Variants in KCNH8 observed in about 807,000 individuals in gnomAD.
KCNH8 encodes the protein voltage-gated delayed rectifier potassium channel KCNH8.
KCNH8 carries 70 observed loss-of-function variants against 103.6 expected under a neutral mutation model. The observed-to-expected ratio is 0.68, with a 90% CI of 0.56 to 0.82. The LOEUF (loss-of-function observed/expected upper bound fraction) is 0.82, where lower values mean the gene tolerates loss of function less well. KCNH8 is among the 40% of genes least tolerant of loss of function. The probability of loss-of-function intolerance (pLI) is 0.00; values close to 1 mark genes in which losing one functional copy is unlikely to be tolerated. For missense variants in KCNH8, 1,217 were observed against 1,329.9 expected (o/e 0.92, Z 1.32); for synonymous variants, 498 against 489.4 (o/e 1.02, Z -0.23).
At chr3:19,479,472 C>T (rs2068043998) in intron 11 of KCNH8, among the ~76,000 whole-genome samples, 1 of 152,054 alleles carries the variant, frequency 6.6e-6, no homozygotes, top group Non-Finnish European at 1.5e-5. Flanking sequence ...GGTTTCAGGC[C>T]ATCCTCAAAA....
At chr3:19,304,295 G>C (rs2065101348) in intron 3 of KCNH8, among the ~76,000 whole-genome samples, 1 of 152,100 alleles carries the variant, frequency 6.6e-6, no homozygotes, top group South Asian at 2.1e-4. Context: ...TTTCTATTCA[G>C]ATTTATCTAG....
chr3:19,170,330 A>G (rs2063328581), intron 1 of KCNH8, among the ~76,000 whole-genome samples: 1 of 152,114 alleles, frequency 6.6e-6, no homozygotes, highest in Non-Finnish European at 1.5e-5. Context: ...ATCCACACAC[A>G]TGCACACAGC....
chr3:19,419,511 T>C (rs1316128519), intron 7 of KCNH8, among the ~76,000 whole-genome samples: 1 of 152,088 alleles, frequency 6.6e-6, no homozygotes, highest in Non-Finnish European at 1.5e-5. Flanking sequence ...ATTAAAATGT[T>C]TTATGTGGCC....
At chr3:19,306,109 G>C (rs1337733441) in intron 3 of KCNH8, among the ~76,000 whole-genome samples, 1 of 152,004 alleles carries the variant, frequency 6.6e-6, no homozygotes, top group Admixed American at 6.6e-5. Flanking sequence ...TATTGGACAA[G>C]TTATGCCGCA....
At chr3:19,191,625 T>G (rs554368803) in intron 1 of KCNH8, among the ~76,000 whole-genome samples, 6 of 151,896 alleles carry the variant, frequency 4.0e-5, no homozygotes, top group South Asian at 4.1e-4. Context: ...GTTAGATGCA[T>G]GTTAGCCTTT....
At chr3:19,195,988 T>G (rs923524570) in intron 1 of KCNH8, among the ~76,000 whole-genome samples, 1 of 152,054 alleles carries the variant, frequency 6.6e-6, no homozygotes, top group African/African-American at 2.4e-5. Flanking sequence ...ATCTACTTCC[T>G]GAGTATGTTT....
intron 15 of KCNH8, among the ~76,000 whole-genome samples, chr3:19,525,759 A>C (rs2069053220): frequency 6.6e-6 from 1 of 151,976 alleles, no homozygotes; most frequent in East Asian, 1.9e-4. Flanking sequence ...AACCCTGGTT[A>C]GTAGTCCTGT....
intron 5 of KCNH8, among the ~76,000 whole-genome samples, chr3:19,377,049 C>T (rs2066218541): frequency 6.6e-6 from 1 of 152,036 alleles, no homozygotes; most frequent in African/African-American, 2.4e-5. Flanking sequence ...GTCAATAGAA[C>T]AAATGTCTAG....
rs1236919543 is a variant in KCNH8 at position 19,502,153 on chromosome 3, G to A, written c.2041-8210G>A. On this transcript the variant is annotated intron_variant, in intron 11 of 15. Coordinates refer to ENST00000328405, the MANE Select transcript of KCNH8 (RefSeq NM_144633.3). ...ACAGACAAACAGAGAGCCAAATCAT[G>A]AGTGAACTCCCATTCACAATTGCTT... Among the ~76,000 whole-genome samples the A allele has an allele frequency of 6.7e-5, 10 of 148,938 alleles. No homozygotes were observed. The East Asian group carries it at 1.8e-3, about 26-fold the overall frequency.
rs372956608 is a variant in KCNH8 at position 19,534,037 on chromosome 3, C to A, written c.3262C>A (p.Leu1088Ile). ...AGCTTCTACAAAACCTTTGGAGAAC[C>A]TTCCACTGGAAGTTGTCACAAGCAC... ...ASASTKPLEN[L>I]PLEVVTSTAE... The change falls in exon 16 of 16, where the codon CTT becomes ATT. Residue 1088 changes from leucine (L) to isoleucine (I), a missense_variant. This residue lies in a region of KCNH8 where 558 missense variants were observed against 495.8 expected (regional missense o/e 1.13). Coordinates refer to ENST00000328405, the MANE Select transcript of KCNH8 (RefSeq NM_144633.3). 1 of 1,614,128 alleles carries A rather than the reference C, an allele frequency of 6.2e-7. No individual in the cohort carries two copies. Among genetic ancestry groups the A allele is most frequent in the South Asian group, 1.1e-5 (1 of 91,082 alleles).
intron 1 of KCNH8, among the ~76,000 whole-genome samples, chr3:19,232,624 A>G (rs1031685298): frequency 1.3e-5 from 2 of 152,228 alleles, no homozygotes; most frequent in African/African-American, 4.8e-5. Context: ...CTGGGGTGCA[A>G]GGTTAGTCAC....
intron 11 of KCNH8, among the ~76,000 whole-genome samples, chr3:19,489,470 G>T (rs967640403): frequency 6.6e-6 from 1 of 152,100 alleles, no homozygotes; most frequent in African/African-American, 2.4e-5. Context: ...TGATCTGGGT[G>T]CCCTGGCTTA....
intron 3 of KCNH8, among the ~76,000 whole-genome samples, chr3:19,326,674 G>A (rs2065429147): frequency 6.6e-6 from 1 of 152,044 alleles, no homozygotes; most frequent in Non-Finnish European, 1.5e-5. Context: ...TAGAGACTAA[G>A]GTGGCACTAC....
intron 6 of KCNH8, among the ~76,000 whole-genome samples, chr3:19,392,843 A>C (rs761603352): frequency 6.6e-6 from 1 of 152,054 alleles, no homozygotes; most frequent in African/African-American, 2.4e-5. Flanking sequence ...GTATGAATCC[A>C]AGTTCTATCA....
rs1575129832 is a variant in KCNH8 at position 19,488,868 on chromosome 3, G to C, written c.2041-21495G>C. Among the ~76,000 whole-genome samples the C allele has an allele frequency of 2.0e-5, 3 of 152,210 alleles. No individual in the cohort carries two copies. In the East Asian group the frequency reaches 5.8e-4, roughly 29 times the overall value. ...GTATTAAAGAGGTACATGAGCAGCT[G>C]GTGGCAATCAGCCTAAGTAGGATTA... On this transcript the variant is annotated intron_variant, in intron 11 of 15. Transcript: ENST00000328405.
intron 1 of KCNH8, among the ~76,000 whole-genome samples, chr3:19,154,094 G>A (rs1337834590): frequency 6.6e-6 from 1 of 152,298 alleles, no homozygotes; most frequent in South Asian, 2.1e-4. Context: ...AATTCAGAAG[G>A]TGCAGACAAA....
intron 3 of KCNH8, among the ~76,000 whole-genome samples, chr3:19,326,689 C>T (rs1348590125): frequency 1.3e-5 from 2 of 152,138 alleles, no homozygotes; most frequent in African/African-American, 2.4e-5. Flanking sequence ...CACTACCCTC[C>T]TGCTATGCCT....
At chr3:19,235,361 A>C (rs961805078) in intron 1 of KCNH8, among the ~76,000 whole-genome samples, 1 of 152,156 alleles carries the variant, frequency 6.6e-6, no homozygotes, top group Admixed American at 6.5e-5. Flanking sequence ...ATACACAAAA[A>C]TATGATGAAA....
chr3:19,475,611 C>T (rs1435621819), intron 11 of KCNH8, among the ~76,000 whole-genome samples: 1 of 152,138 alleles, frequency 6.6e-6, no homozygotes, highest in African/African-American at 2.4e-5. Flanking sequence ...TATAAACTCA[C>T]TTTAAAAATT....
Sources: allele counts gnomAD v4.1 joint callset (sites outside exome capture counted in the v4.1 genomes callset), GRCh38; gene constraint gnomAD v4.1.1; regional missense constraint gnomAD v4.1.1; transcripts MANE v1.5; gene names NCBI Gene and HGNC (gene_info 2026-07-23, HGNC 2026-07-21).